Variants in RBFOX1 observed in about 807,000 individuals in gnomAD.
RBFOX1 encodes RNA binding protein fox-1 homolog 1.
Under a neutral mutation model 57.7 loss-of-function variants are expected in RBFOX1, and 8 were observed. The ratio of observed to expected loss-of-function variants is 0.14; its 90% CI spans 0.08 to 0.25. The LOEUF is 0.25. Ranked by LOEUF, RBFOX1 falls within the 10% of genes least tolerant of loss-of-function variation. The pLI, the probability that RBFOX1 is intolerant of heterozygous loss-of-function variation, is 1.00. For synonymous variants in RBFOX1, 326 were observed against 222.4 expected (o/e 1.47, Z -4.15); for missense variants, 611 against 548.5 (o/e 1.11, Z -1.14).
chr16:7,383,468 G>T (rs542406832), intron 4 of RBFOX1, among the ~76,000 whole-genome samples: 39 of 152,150 alleles, frequency 2.6e-4, no homozygotes, highest in Non-Finnish European at 4.4e-4. Flanking sequence ...TGAGTTTTAG[G>T]CTAGCCAGGG....
intron 4 of RBFOX1, among the ~76,000 whole-genome samples, chr16:7,252,197 T>C (rs1252825541): frequency 8.5e-5 from 13 of 152,254 alleles, no homozygotes; most frequent in Non-Finnish European, 1.5e-5. Flanking sequence ...AAGGAGCTGG[T>C]TCTCCTTTGA....
chr16:7,339,126 C>T (rs758337779), intron 4 of RBFOX1, among the ~76,000 whole-genome samples: 1 of 152,160 alleles, frequency 6.6e-6, no homozygotes, highest in Non-Finnish European at 1.5e-5. Flanking sequence ...ATTTACTAAG[C>T]CTGTGGCCTG....
At chr16:5,943,359 G>A (rs375036378) in intron 4 of RBFOX1, among the ~76,000 whole-genome samples, 4 of 152,288 alleles carry the variant, frequency 2.6e-5, no homozygotes, top group East Asian at 1.9e-4. Context: ...GGGCTAAACC[G>A]TTGATACCAA....
At chr16:5,975,529 T>A (rs1057335229) in intron 4 of RBFOX1, among the ~76,000 whole-genome samples, 1 of 152,164 alleles carries the variant, frequency 6.6e-6, no homozygotes, top group Non-Finnish European at 1.5e-5. Flanking sequence ...AGGGTCCAGA[T>A]TTTTCCCCTT....
intron 3 of RBFOX1, chr16:6,775,961 C>G (rs909056524): frequency 2.6e-5 from 4 of 152,168 alleles, no homozygotes; most frequent in Admixed American, 6.5e-5. Flanking sequence ...GGATTGTGTT[C>G]ACAGGCATAT....
intron 4 of RBFOX1, among the ~76,000 whole-genome samples, chr16:7,363,897 C>T (rs546707623): frequency 6.6e-6 from 1 of 152,140 alleles, no homozygotes; most frequent in African/African-American, 2.4e-5. Flanking sequence ...TTCTGGGCTT[C>T]ATTGTTGGCA....
In RBFOX1 at chr16:7,144,265, G is replaced by C. The variant is rs116369181; in HGVS notation, c.27+92167G>C. On this transcript the variant is annotated intron_variant, in intron 4 of 15. Transcript: ENST00000550418. ...TATTTGAGTGTTTAATGAAAGCAAAGAACTTCCTCCCCAGAGGAATTGATA... is the reference window on the plus strand; with the variant it reads ...TATTTGAGTGTTTAATGAAAGCAAACAACTTCCTCCCCAGAGGAATTGATA... 5.0e-3 allele frequency among the ~76,000 whole-genome samples: 758 copies of C among 152,092 alleles called. 5 individuals are homozygous for C. The highest frequency in any genetic ancestry group is 0.018 in the African/African-American group (729 of 41,476).
intron 4 of RBFOX1, among the ~76,000 whole-genome samples, chr16:7,093,143 A>C (rs1355130282): frequency 2.0e-5 from 3 of 152,214 alleles, no homozygotes; most frequent in African/African-American, 4.8e-5. Context: ...GTGAATTCTG[A>C]TTCAGAAATT....
intron 4 of RBFOX1, among the ~76,000 whole-genome samples, chr16:7,197,472 G>A (rs929965006): frequency 7.7e-5 from 11 of 142,922 alleles, no homozygotes; most frequent in Non-Finnish European, 1.2e-4. Context: ...ACATCAAGCT[G>A]TGATACTGCA....
At chr16:6,480,964 C>G (rs529917458) in intron 2 of RBFOX1, among the ~76,000 whole-genome samples, 1 of 152,224 alleles carries the variant, frequency 6.6e-6, no homozygotes, top group African/African-American at 2.4e-5. Flanking sequence ...CCCCCACAAC[C>G]CCATCCTGTA....
intron 1 of RBFOX1, among the ~76,000 whole-genome samples, chr16:6,026,281 G>A (rs899808922): frequency 6.6e-6 from 1 of 152,208 alleles, no homozygotes; most frequent in Non-Finnish European, 1.5e-5. Context: ...CGTGGTGCAA[G>A]GCACACAGCA....
chr16:6,863,725 C>CTTTTTTTTT lies in RBFOX1; in HGVS notation c.-15-188313_-15-188305dup, dbSNP rs71408412. Among the ~76,000 whole-genome samples, 257 of 67,732 alleles carry CTTTTTTTTT rather than the reference C, an allele frequency of 3.8e-3. 26 individuals are homozygous for CTTTTTTTTT. Among genetic ancestry groups the CTTTTTTTTT allele is most frequent in the African/African-American group, 0.014 (181 of 13,364 alleles). The allele number at this position is 67,732 out of a possible 152,430, so 44.4% of individuals were successfully genotyped here. ...CGGAAGCACAAATTGGATGCCTGCG[C>CTTTTTTTTT]TTTTTTTTTTTTTTTTTTTTTTTTT... is the stretch of plus-strand genomic sequence containing the variant. On this transcript the variant is annotated intron_variant, in intron 3 of 15. Transcript: ENST00000550418.
At chr16:7,044,014 A>G (rs7189679) in intron 3 of RBFOX1, among the ~76,000 whole-genome samples, 6,066 of 152,228 alleles carry the variant, frequency 0.04, 412 homozygotes, top group African/African-American at 0.14. Context: ...CACCTCTTAC[A>G]CTTTCACTGT....
At chr16:7,268,981 G>A (rs1035675015) in intron 4 of RBFOX1, among the ~76,000 whole-genome samples, 15 of 141,146 alleles carry the variant, frequency 1.1e-4, no homozygotes, top group Admixed American at 1.5e-4. Flanking sequence ...AGTTTGCAGT[G>A]AGCCGAGATC....
chr16:5,398,214 G>T (rs1398250807), intron 1 of RBFOX1, among the ~76,000 whole-genome samples: 4 of 152,144 alleles, frequency 2.6e-5, no homozygotes, highest in Non-Finnish European at 5.9e-5. Flanking sequence ...TACATGTGTG[G>T]ACATGAGTGT....
intron 3 of RBFOX1, among the ~76,000 whole-genome samples, chr16:5,640,870 A>AGG (rs2048844516): frequency 1.3e-5 from 2 of 150,916 alleles, no homozygotes; most frequent in East Asian, 2.0e-4. Flanking sequence ...GGATACACAC[A>AGG]CACACACACC....
intron 1 of RBFOX1, among the ~76,000 whole-genome samples, chr16:6,300,451 T>C (rs2078679519): frequency 6.6e-6 from 1 of 152,150 alleles, no homozygotes; most frequent in African/African-American, 2.4e-5. Flanking sequence ...TTTGTCAACT[T>C]AAAGAATAAA....
At position 6,466,250 on chromosome 16, in the gene RBFOX1, A is replaced by C. The variant is rs574385827; in HGVS notation, c.-64+149193A>C. 2.0e-4 allele frequency among the ~76,000 whole-genome samples: 30 copies of C among 152,092 alleles called. No individual in the cohort carries two copies. The East Asian group carries it at 4.4e-3, about 22-fold the overall frequency. On this transcript the variant is annotated intron_variant, in intron 2 of 15. Coordinates refer to ENST00000550418, the MANE Select transcript of RBFOX1 (RefSeq NM_018723.4). Reference sequence around the variant, plus strand: ...ATCTCAAAAAAAAAAAAAAGGATTAAGGATTAAAAAAAATTGAAATCATCC... The same window carrying C: ...ATCTCAAAAAAAAAAAAAAGGATTACGGATTAAAAAAAATTGAAATCATCC...
chr16:7,481,614 A>G (rs2063956254), intron 4 of RBFOX1, among the ~76,000 whole-genome samples: 1 of 152,222 alleles, frequency 6.6e-6, no homozygotes, highest in African/African-American at 2.4e-5. Context: ...AACTACAGCA[A>G]ATAACAATAT....
Sources: gnomAD v4.1 joint callset for allele counts (sites outside exome capture counted in the v4.1 genomes callset) on GRCh38, gnomAD v4.1.1 for gene constraint, MANE v1.5 for transcripts, NCBI Gene and HGNC (gene_info 2026-07-23, HGNC 2026-07-21) for gene names.